The following ZNF385B variants were observed in gnomAD, a reference collection of about 807,000 sequenced individuals.
ZNF385B encodes the protein zinc finger protein 385B, also known as zinc finger protein 533.
In ZNF385B, 23 loss-of-function variants were observed where a neutral mutation model predicts 39.2. The observed-to-expected ratio is 0.59, with a 90% CI of 0.42 to 0.83. ZNF385B has a LOEUF of 0.83. Among genes scored for constraint, ZNF385B ranks in the 40% least tolerant of loss-of-function variants. The probability of loss-of-function intolerance (pLI) is 0.00; values close to 1 mark genes in which losing one functional copy is unlikely to be tolerated. For missense variants in ZNF385B, 552 were observed against 598.9 expected (o/e 0.92, Z 0.82); for synonymous variants, 205 against 222.6 (o/e 0.92, Z 0.70).
chr2:179,768,062 G>A (rs1473255286), intron 3 of ZNF385B, among the ~76,000 whole-genome samples: 3 of 151,570 alleles, frequency 2.0e-5, no homozygotes, highest in African/African-American at 7.3e-5. Flanking sequence ...TGATTTTCCT[G>A]CCTCAGACTC....
intron 4 of ZNF385B, among the ~76,000 whole-genome samples, chr2:179,533,432 A>AT (rs1242876869): frequency 6.6e-6 from 1 of 152,180 alleles, no homozygotes; most frequent in African/African-American, 2.4e-5. Context: ...GAGAAAAAAT[A>AT]TTTTTTATGC....
chr2:179,841,246 G>A (rs1708519256), intron 1 of ZNF385B, among the ~76,000 whole-genome samples: 1 of 152,178 alleles, frequency 6.6e-6, no homozygotes. Flanking sequence ...TAGGAGCAAA[G>A]CTTTCTATAT....
Position 179,444,795 on chromosome 2 carries a change from C to G in ZNF385B, c.1242+81G>C. On this transcript the variant is annotated intron_variant, in intron 9 of 9. Coordinates refer to ENST00000410066, the MANE Select transcript of ZNF385B (RefSeq NM_152520.6). ...TTGAAACCTTTCATGACATTAGACT[C>G]TATGCCCTCCTTGCCCACAATGGCT... 3.4e-6 allele frequency: 4 copies of G among 1,162,560 alleles called. No individual in the cohort carries two copies. In the South Asian group the frequency reaches 3.7e-5, roughly 11 times the overall value. 72.0% of individuals were successfully genotyped at this position (1,162,560 alleles called of 1,614,324 possible). A position where few individuals can be genotyped will look rare whatever the true frequency, so the allele number is the denominator to read the frequency against.
chr2:179,740,459 C>T (rs17773308), intron 3 of ZNF385B, among the ~76,000 whole-genome samples: 13,888 of 152,142 alleles, frequency 0.091, 712 homozygotes, highest in Non-Finnish European at 0.11. Flanking sequence ...GAAAAGATAG[C>T]TATTGACCAG....
intron 3 of ZNF385B, among the ~76,000 whole-genome samples, chr2:179,755,237 T>C (rs1702935929): frequency 1.3e-5 from 2 of 152,138 alleles, no homozygotes. Flanking sequence ...TGTAGTTGAG[T>C]AGTTTTGAGT....
intron 3 of ZNF385B, among the ~76,000 whole-genome samples, chr2:179,711,581 C>A (rs1247881781): frequency 6.6e-6 from 1 of 152,126 alleles, no homozygotes; most frequent in African/African-American, 2.4e-5. Flanking sequence ...GCTAAAGAAT[C>A]TGGGAGTGGC....
intron 3 of ZNF385B, among the ~76,000 whole-genome samples, chr2:179,671,420 C>T (rs10803927): frequency 1.3e-5 from 2 of 151,940 alleles, no homozygotes; most frequent in African/African-American, 2.4e-5. Context: ...TAAACCTTTG[C>T]GAAATTCAGA....
chr2:179,737,330 TAATAGTTGGA>T (rs1447347513), intron 3 of ZNF385B, among the ~76,000 whole-genome samples: 1 of 152,164 alleles, frequency 6.6e-6, no homozygotes, highest in East Asian at 1.9e-4. Flanking sequence ...TCAAATGAAA[TAATAGTTGGA>T]AATGGGTAAA....
intron 4 of ZNF385B, among the ~76,000 whole-genome samples, chr2:179,540,273 C>A (rs183983645): frequency 1.5e-3 from 229 of 152,132 alleles, no homozygotes; most frequent in African/African-American, 5.3e-3. Flanking sequence ...ATGGAGAAAC[C>A]CCATCTCTAC....
intron 4 of ZNF385B, 67 bp from the exon 5 acceptor site, chr2:179,518,705 A>G (rs1012838074): frequency 1.1e-6 from 1 of 942,680 alleles, no homozygotes; most frequent in Non-Finnish European, 1.6e-6. Context: ...TGAGCAAATA[A>G]CAGTAGTTGA....
At chr2:179,842,692 T>C (rs4894129) in intron 1 of ZNF385B, among the ~76,000 whole-genome samples, 46,163 of 151,780 alleles carry the variant, frequency 0.3, 7,269 homozygotes, top group African/African-American at 0.33. Flanking sequence ...GAGCAGCCCT[T>C]ACCCCTCCCT....
At chr2:179,632,352 T>A (rs1362650676) in intron 3 of ZNF385B, among the ~76,000 whole-genome samples, 1 of 152,176 alleles carries the variant, frequency 6.6e-6, no homozygotes, top group Non-Finnish European at 1.5e-5. Context: ...ACAAACTGTC[T>A]CTCAGACCAC....
chr2:179,842,894 C>G (rs1242045244), intron 1 of ZNF385B, among the ~76,000 whole-genome samples: 1 of 152,182 alleles, frequency 6.6e-6, no homozygotes, highest in Non-Finnish European at 1.5e-5. Flanking sequence ...TAAAAGGAAA[C>G]TGATGGACTA....
chr2:179,768,800 G>T (rs1209531176), intron 3 of ZNF385B, among the ~76,000 whole-genome samples: 1 of 152,194 alleles, frequency 6.6e-6, no homozygotes, highest in Non-Finnish European at 1.5e-5. Context: ...GCTGCCCAAG[G>T]ATAAGATAAA....
At chr2:179,594,558 T>C (rs942946271) in intron 3 of ZNF385B, among the ~76,000 whole-genome samples, 5 of 152,204 alleles carry the variant, frequency 3.3e-5, no homozygotes, top group Middle Eastern at 3.2e-3. Flanking sequence ...ACATATGACT[T>C]GAGCCAGCAA....
At chr2:179,469,224 C>T (rs529557285) in intron 6 of ZNF385B, among the ~76,000 whole-genome samples, 1 of 152,234 alleles carries the variant, frequency 6.6e-6, no homozygotes, top group South Asian at 2.1e-4. Context: ...CCCTGGGCCA[C>T]ACTGGAAGAA....
intron 3 of ZNF385B, among the ~76,000 whole-genome samples, chr2:179,574,801 G>A (rs776651249): frequency 6.6e-6 from 1 of 152,106 alleles, no homozygotes; most frequent in Non-Finnish European, 1.5e-5. Context: ...AAGGAAGGAG[G>A]GATGTTAGGG....
chr2:179,484,049 TGA>T (rs2054299119), intron 5 of ZNF385B, among the ~76,000 whole-genome samples: 1 of 152,210 alleles, frequency 6.6e-6, no homozygotes, highest in African/African-American at 2.4e-5. Context: ...CCCTTGTTTC[TGA>T]TCTCAGATGT....
At chr2:179,665,241 A>T (rs565236475) in intron 3 of ZNF385B, among the ~76,000 whole-genome samples, 1 of 152,366 alleles carries the variant, frequency 6.6e-6, no homozygotes, top group South Asian at 2.1e-4. Context: ...GAGGATAATG[A>T]TAATACAATA....
Sources: allele counts gnomAD v4.1 joint callset (sites outside exome capture counted in the v4.1 genomes callset), GRCh38; gene constraint gnomAD v4.1.1; transcripts MANE v1.5; gene names NCBI Gene and HGNC (gene_info 2026-07-23, HGNC 2026-07-21).